The following LYPD6 variants were observed in gnomAD, a reference collection of about 807,000 sequenced individuals.
The protein encoded by LYPD6 is LY6/PLAUR domain containing 6.
Under a neutral mutation model 22.7 loss-of-function variants are expected in LYPD6, and 15 were observed. The ratio of observed to expected loss-of-function variants is 0.66; its 90% CI spans 0.44 to 1.02. The LOEUF (loss-of-function observed/expected upper bound fraction) is 1.02. Among genes scored for constraint, LYPD6 ranks in the 50% least tolerant of loss-of-function variants. The pLI is 0.00. For missense variants in LYPD6, 189 were observed against 208.4 expected (o/e 0.91, Z 0.57); for synonymous variants, 72 against 77.5 (o/e 0.93, Z 0.37).
chr2:149,463,875 G>A (rs1681140471), intron 3 of LYPD6, among the ~76,000 whole-genome samples: 2 of 152,008 alleles, frequency 1.3e-5, no homozygotes, highest in Admixed American at 1.3e-4. Context: ...GGAAGGGGTG[G>A]GGGCAGGAGG....
At chr2:149,464,138 A>G (rs1009694225) in intron 3 of LYPD6, 6 of 415,434 alleles carry the variant, frequency 1.4e-5, no homozygotes, top group African/African-American at 1.3e-4. Context: ...CAGTTTAAAC[A>G]CAAAAAAATC....
At position 149,415,767 on chromosome 2, in the gene LYPD6, A is replaced by T. The variant is rs535196328; in HGVS notation, c.-71-21871A>T. Among the ~76,000 whole-genome samples, 7 of 152,218 alleles carry T rather than the reference A, an allele frequency of 4.6e-5. No homozygotes were observed. In the South Asian group the frequency reaches 1.5e-3, roughly 32 times the overall value. ...CTGCAGCGTCAACCTCCTGGGCTCA[A>T]GTGATCCTCCCACCCCAGCCTCCTG... On this transcript the variant is annotated intron_variant, in intron 1 of 4. Transcript: ENST00000334166.
chr2:149,331,658 G>A (rs888930647), intron 1 of LYPD6, among the ~76,000 whole-genome samples: 1 of 152,138 alleles, frequency 6.6e-6, no homozygotes, highest in Non-Finnish European at 1.5e-5. Flanking sequence ...GGGGGGAATG[G>A]AAGAGGGTCT....
chr2:149,431,272 C>G (rs1403764612), intron 1 of LYPD6, among the ~76,000 whole-genome samples: 2 of 152,166 alleles, frequency 1.3e-5, no homozygotes, highest in Non-Finnish European at 2.9e-5. Flanking sequence ...AATGGAAACA[C>G]AATGTCTTTT....
chr2:149,409,789 G>A (rs1682812720), intron 1 of LYPD6, among the ~76,000 whole-genome samples: 2 of 152,144 alleles, frequency 1.3e-5, no homozygotes, highest in South Asian at 2.1e-4. Context: ...CTAAAGGCTG[G>A]TCTCACTCCT....
intron 1 of LYPD6, among the ~76,000 whole-genome samples, chr2:149,404,819 A>G (rs1682657206): frequency 6.6e-6 from 1 of 152,204 alleles, no homozygotes; most frequent in Non-Finnish European, 1.5e-5. Context: ...GCCAGTTTTC[A>G]AAGGGAATGC....
downstream of LYPD6, among the ~76,000 whole-genome samples, chr2:149,477,228 G>A (rs149288590): frequency 6.6e-6 from 1 of 152,326 alleles, no homozygotes; most frequent in African/African-American, 2.4e-5. Flanking sequence ...GTGCTGTGTA[G>A]AGACACATTC....
intron 3 of LYPD6, among the ~76,000 whole-genome samples, chr2:149,460,517 A>G (rs1372528868): frequency 6.6e-6 from 1 of 152,154 alleles, no homozygotes; most frequent in African/African-American, 2.4e-5. Flanking sequence ...AAGGAGGAAT[A>G]GATAAATCTA....
the LYPD6 span, among the ~76,000 whole-genome samples, chr2:149,483,919 A>G: frequency 6.6e-6 from 1 of 152,228 alleles, no homozygotes. Context: ...GAACTGTAAA[A>G]TGGAATAAGC....
At chr2:149,398,271 A>G (rs1370246794) in intron 1 of LYPD6, among the ~76,000 whole-genome samples, 1 of 149,874 alleles carries the variant, frequency 6.7e-6, no homozygotes, top group Admixed American at 6.6e-5. Context: ...TCTTCCATAT[A>G]CTCCTTTTTC....
At chr2:149,418,045 G>A (rs116312566) in intron 1 of LYPD6, among the ~76,000 whole-genome samples, 1,719 of 152,270 alleles carry the variant, frequency 0.011, 37 homozygotes, top group African/African-American at 0.04. Context: ...TTGTTCACTC[G>A]TCTTGTGGTA....
chr2:149,414,175 A>G (rs7556835), intron 1 of LYPD6, among the ~76,000 whole-genome samples: 39,348 of 152,116 alleles, frequency 0.26, 6,012 homozygotes, highest in African/African-American at 0.43. Context: ...CCTCAGATTA[A>G]TTTGTGTTTT....
chr2:149,482,657 T>C, the LYPD6 span, among the ~76,000 whole-genome samples: 1 of 152,188 alleles, frequency 6.6e-6, no homozygotes, highest in Non-Finnish European at 1.5e-5. Context: ...TTCTGTTGCT[T>C]GCCACCAAAG....
intron 1 of LYPD6, among the ~76,000 whole-genome samples, chr2:149,377,781 A>ACCCCCCCCCC (rs70994571): frequency 2.1e-5 from 2 of 94,252 alleles, no homozygotes; most frequent in African/African-American, 3.8e-5. Context: ...CTTTGTCCCC[A>ACCCCCCCCCC]CCCCCCCCCC....
chr2:149,482,702 G>T, the LYPD6 span, among the ~76,000 whole-genome samples: 1 of 152,164 alleles, frequency 6.6e-6, no homozygotes, highest in Non-Finnish European at 1.5e-5. Flanking sequence ...AGCTGGGATT[G>T]TTCCTAGAAT....
At chr2:149,339,709 A>G (rs1009870279) in intron 1 of LYPD6, among the ~76,000 whole-genome samples, 13 of 152,158 alleles carry the variant, frequency 8.5e-5, no homozygotes, top group African/African-American at 2.9e-4. Context: ...ACAGAAAGCA[A>G]TGAGGTCAGA....
intron 1 of LYPD6, among the ~76,000 whole-genome samples, chr2:149,429,357 G>A (rs1683263007): frequency 6.6e-6 from 1 of 152,222 alleles, no homozygotes; most frequent in East Asian, 1.9e-4. Context: ...AGAGGGCAGA[G>A]CAAAGTTGAG....
At chr2:149,446,945 G>C (rs1012671258) in intron 2 of LYPD6, among the ~76,000 whole-genome samples, 2 of 152,096 alleles carry the variant, frequency 1.3e-5, no homozygotes, top group Admixed American at 1.3e-4. Flanking sequence ...TATCTAATTG[G>C]TTCCATGTGG....
chr2:149,456,720 A>G (rs1477615882), intron 3 of LYPD6, among the ~76,000 whole-genome samples: 1 of 152,186 alleles, frequency 6.6e-6, no homozygotes, highest in Non-Finnish European at 1.5e-5. Context: ...GCCTTGGCCA[A>G]CACCTTGATT....
Sources: gnomAD v4.1 joint callset for allele counts (sites outside exome capture counted in the v4.1 genomes callset) on GRCh38, gnomAD v4.1.1 for gene constraint, MANE v1.5 for transcripts, NCBI Gene and HGNC (gene_info 2026-07-23, HGNC 2026-07-21) for gene names.